The following EPHB1 variants were observed in gnomAD, a reference collection of about 807,000 sequenced individuals.
EPHB1 encodes ephrin type-B receptor 1.
EPHB1 carries 30 observed loss-of-function variants against 94.4 expected under a neutral mutation model. The ratio of observed to expected loss-of-function variants is 0.32; its 90% CI spans 0.24 to 0.43. EPHB1 has a LOEUF of 0.43. EPHB1 is among the 20% of genes least tolerant of loss of function. EPHB1 has a pLI of 1.00. For missense variants in EPHB1, 1,055 were observed against 1,308.3 expected (o/e 0.81, Z 2.99); for synonymous variants, 522 against 489.1 (o/e 1.07, Z -0.89).
intron 9 of EPHB1, among the ~76,000 whole-genome samples, chr3:135,173,242 G>C (rs1941864535): frequency 6.6e-6 from 1 of 151,702 alleles, no homozygotes; most frequent in African/African-American, 2.4e-5. Flanking sequence ...CACCGTTTTA[G>C]CCGGGATGGT....
At chr3:135,246,277 T>G (rs1236988229) in intron 13 of EPHB1, among the ~76,000 whole-genome samples, 1 of 152,162 alleles carries the variant, frequency 6.6e-6, no homozygotes. Flanking sequence ...TAGGGGCCAT[T>G]CAATGGGTAA....
At chr3:134,901,907 A>G (rs1345114914) in intron 1 of EPHB1, among the ~76,000 whole-genome samples, 4 of 152,220 alleles carry the variant, frequency 2.6e-5, no homozygotes, top group Non-Finnish European at 5.9e-5. Context: ...AAAAGAGTGG[A>G]TGTGACATAT....
intron 2 of EPHB1, among the ~76,000 whole-genome samples, chr3:134,944,130 T>C (rs1274540817): frequency 6.6e-6 from 1 of 152,180 alleles, no homozygotes; most frequent in Non-Finnish European, 1.5e-5. Flanking sequence ...CCCATTTCCC[T>C]CTATGGCCCC....
chr3:134,800,486 G>A lies in EPHB1; in HGVS notation c.58+4797G>A, dbSNP rs2035915329. Among the ~76,000 whole-genome samples the A allele has an allele frequency of 2.0e-5, 3 of 151,886 alleles. No individual in the cohort carries two copies. The South Asian group carries it at 6.3e-4, about 32-fold the overall frequency. On this transcript the variant is annotated intron_variant, in intron 1 of 15. Transcript: ENST00000398015. Reference sequence around the variant, plus strand: ...GGTAGTGTTTCCCAGACTTCAGGTAGTATATTACCTGGGCAGTTTGCTACA... The same window carrying A: ...GGTAGTGTTTCCCAGACTTCAGGTAATATATTACCTGGGCAGTTTGCTACA...
chr3:135,180,003 G>T (rs774777277), intron 10 of EPHB1, 21 bp downstream of exon 10: 1 of 1,613,124 alleles, frequency 6.2e-7, no homozygotes, highest in Non-Finnish European at 8.5e-7. Flanking sequence ...TCCCTGTCTT[G>T]TTTCTGTTCT....
intron 4 of EPHB1, among the ~76,000 whole-genome samples, chr3:135,127,247 C>T (rs186663909): frequency 2.4e-4 from 36 of 152,300 alleles, no homozygotes; most frequent in Admixed American, 1.6e-3. Flanking sequence ...TGTTGCAACA[C>T]GTGTTCACTT....
At chr3:134,833,007 A>C (rs938539044) in intron 1 of EPHB1, among the ~76,000 whole-genome samples, 6 of 152,152 alleles carry the variant, frequency 3.9e-5, no homozygotes, top group African/African-American at 7.2e-5. Context: ...TTTATAAATG[A>C]ATTTTTTTCT....
intron 9 of EPHB1, among the ~76,000 whole-genome samples, chr3:135,167,575 C>A (rs938661200): frequency 1.3e-5 from 2 of 152,152 alleles, no homozygotes; most frequent in African/African-American, 4.8e-5. Context: ...ATTTTTATAA[C>A]TAAAATTTCT....
At chr3:134,906,458 T>C (rs1462619283) in intron 1 of EPHB1, among the ~76,000 whole-genome samples, 7 of 152,216 alleles carry the variant, frequency 4.6e-5, no homozygotes, top group Admixed American at 4.6e-4. Context: ...CTTTTAATTG[T>C]ACAATAAAAT....
chr3:135,084,863 T>A (rs776287353), intron 3 of EPHB1, among the ~76,000 whole-genome samples: 2 of 152,234 alleles, frequency 1.3e-5, no homozygotes, highest in Non-Finnish European at 2.9e-5. Flanking sequence ...ACGTAGGAGC[T>A]GTAATGAACA....
chr3:135,234,987 C>T (rs574222077), intron 12 of EPHB1, among the ~76,000 whole-genome samples: 2 of 151,974 alleles, frequency 1.3e-5, no homozygotes, highest in South Asian at 4.2e-4. Flanking sequence ...AGACATTGCT[C>T]ATCAACACAA....
intron 1 of EPHB1, among the ~76,000 whole-genome samples, chr3:134,802,008 G>A (rs917754426): frequency 6.6e-6 from 1 of 152,200 alleles, no homozygotes; most frequent in Non-Finnish European, 1.5e-5. Flanking sequence ...GCAAACAAGT[G>A]CACAGTTAGC....
At chr3:135,009,247 T>A (rs111581337) in intron 3 of EPHB1, among the ~76,000 whole-genome samples, 15 of 152,262 alleles carry the variant, frequency 9.9e-5, no homozygotes, top group African/African-American at 3.4e-4. Flanking sequence ...GCGGCTGAAG[T>A]CTACAGGCCC....
At chr3:134,844,795 T>G (rs2036840306) in intron 1 of EPHB1, among the ~76,000 whole-genome samples, 1 of 152,226 alleles carries the variant, frequency 6.6e-6, no homozygotes, top group Non-Finnish European at 1.5e-5. Flanking sequence ...ATGATTGTTT[T>G]TGTCATTTTT....
chr3:135,027,076 C>T (rs1936210401), intron 3 of EPHB1, among the ~76,000 whole-genome samples: 1 of 145,626 alleles, frequency 6.9e-6, no homozygotes. Context: ...TATCCTGAGA[C>T]TTTGCTGAAG....
intron 3 of EPHB1, chr3:134,977,976 T>G (rs1010407665): frequency 2.2e-6 from 1 of 456,082 alleles, no homozygotes; most frequent in Non-Finnish European, 4.4e-6. Flanking sequence ...TGTCCAGGCC[T>G]TTTTGGAGGA....
At chr3:134,985,068 C>A (rs1264927353) in intron 3 of EPHB1, among the ~76,000 whole-genome samples, 1 of 152,130 alleles carries the variant, frequency 6.6e-6, no homozygotes, top group Non-Finnish European at 1.5e-5. Context: ...ACTTGGCTTA[C>A]CAGTTCCTGA....
intron 1 of EPHB1, among the ~76,000 whole-genome samples, chr3:134,816,386 C>A (rs1034980872): frequency 7.0e-6 from 1 of 142,030 alleles, no homozygotes; most frequent in Non-Finnish European, 1.5e-5. Context: ...AGCCACCGTG[C>A]CTGGCTGGAT....
intron 3 of EPHB1, among the ~76,000 whole-genome samples, chr3:134,983,369 T>A (rs1934480820): frequency 6.6e-6 from 1 of 152,280 alleles, no homozygotes; most frequent in South Asian, 2.1e-4. Context: ...CAACTAGTTG[T>A]GAGCACAGTT....
Sources: gnomAD v4.1 joint callset for allele counts (sites outside exome capture counted in the v4.1 genomes callset) on GRCh38, gnomAD v4.1.1 for gene constraint, MANE v1.5 for transcripts, NCBI Gene and HGNC (gene_info 2026-07-23, HGNC 2026-07-21) for gene names.